CCDC148: variants seen among roughly 807,000 people sequenced by gnomAD.
The protein encoded by CCDC148 is coiled-coil domain-containing protein 148.
Under a neutral mutation model 85.7 loss-of-function variants are expected in CCDC148, and 89 were observed. That is an observed-to-expected ratio of 1.04 (90% CI 0.87 to 1.24). CCDC148 has a LOEUF of 1.24. Among genes scored for constraint, CCDC148 ranks in the 50% most tolerant of loss-of-function variants. The pLI is 0.00. For missense variants in CCDC148, 692 were observed against 671.7 expected, an observed-to-expected ratio of 1.03 and a Z score of -0.33; for synonymous variants, 230 against 213.9, an observed-to-expected ratio of 1.08 and a Z score of -0.66.
At chr2:158,341,541 C>T (rs1682696389) in intron 3 of CCDC148, among the ~76,000 whole-genome samples, 1 of 152,066 alleles carries the variant, frequency 6.6e-6, no homozygotes, top group African/African-American at 2.4e-5. Flanking sequence ...TCTTGAACTC[C>T]TGACCTCAGG....
At chr2:158,280,628 A>C (rs1362490411) in intron 9 of CCDC148, among the ~76,000 whole-genome samples, 1 of 152,242 alleles carries the variant, frequency 6.6e-6, no homozygotes, top group Non-Finnish European at 1.5e-5. Context: ...TTCATAAAGC[A>C]AGTCCTGAGT....
At chr2:158,418,316 T>C (rs534170832) in intron 1 of CCDC148, among the ~76,000 whole-genome samples, 65 of 152,292 alleles carry the variant, frequency 4.3e-4, no homozygotes, top group Middle Eastern at 6.8e-3. Flanking sequence ...GTTTTCTCTG[T>C]AGCATAATTA....
intron 1 of CCDC148, among the ~76,000 whole-genome samples, chr2:158,405,532 C>G (rs1312042162): frequency 6.6e-6 from 1 of 151,014 alleles, no homozygotes. Context: ...ATCTTATTAC[C>G]CAGATTTTCG....
intron 11 of CCDC148, among the ~76,000 whole-genome samples, chr2:158,215,821 G>A (rs1313254666): frequency 6.6e-6 from 1 of 152,052 alleles, no homozygotes; most frequent in Non-Finnish European, 1.5e-5. Context: ...GATGGTATTT[G>A]GATATGTAGC....
intron 1 of CCDC148, among the ~76,000 whole-genome samples, chr2:158,370,569 T>G (rs567944400): frequency 1.8e-4 from 27 of 152,156 alleles, no homozygotes; most frequent in Admixed American, 1.6e-3. Context: ...GAAGCAATAT[T>G]TTTCTAACAT....
At chr2:158,174,051 C>A (rs1473870258) in intron 13 of CCDC148, among the ~76,000 whole-genome samples, 4 of 152,004 alleles carry the variant, frequency 2.6e-5, no homozygotes, top group African/African-American at 9.7e-5. Context: ...CAAATTCTCT[C>A]TTTCCCTAAA....
At chr2:158,281,416 T>C (rs564723631) in intron 9 of CCDC148, among the ~76,000 whole-genome samples, 5 of 152,098 alleles carry the variant, frequency 3.3e-5, no homozygotes, top group South Asian at 4.2e-4. Flanking sequence ...AAGAATCAAA[T>C]AGACGCAATA....
At chr2:158,365,342 A>C (rs1045727267) in intron 1 of CCDC148, among the ~76,000 whole-genome samples, 3 of 152,220 alleles carry the variant, frequency 2.0e-5, no homozygotes, top group Admixed American at 1.3e-4. Flanking sequence ...TTCTACTATA[A>C]AGACACATGC....
chr2:158,285,874 G>A (rs1690601415), intron 9 of CCDC148, among the ~76,000 whole-genome samples: 2 of 151,954 alleles, frequency 1.3e-5, no homozygotes, highest in Admixed American at 1.3e-4. Context: ...TTCTCTTTCA[G>A]GTCAGGAACA....
At chr2:158,331,059 T>C (rs1693082654) in intron 7 of CCDC148, among the ~76,000 whole-genome samples, 1 of 152,216 alleles carries the variant, frequency 6.6e-6, no homozygotes. Context: ...AGCTTTTGAA[T>C]GTGTTTGCTC....
At chr2:158,244,387 G>C (rs1286004380) in intron 10 of CCDC148, among the ~76,000 whole-genome samples, 1 of 152,112 alleles carries the variant, frequency 6.6e-6, no homozygotes, top group Admixed American at 6.6e-5. Context: ...TCTGCTTATG[G>C]TATCACCAGG....
chr2:158,378,288 A>G (rs1684736773), intron 1 of CCDC148, among the ~76,000 whole-genome samples: 1 of 152,154 alleles, frequency 6.6e-6, no homozygotes, highest in Admixed American at 6.6e-5. Flanking sequence ...CCTAATTCAG[A>G]GCAAGGCCCT....
intron 8 of CCDC148, among the ~76,000 whole-genome samples, chr2:158,311,443 G>A (rs1337281211): frequency 6.6e-6 from 1 of 152,222 alleles, no homozygotes; most frequent in Non-Finnish European, 1.5e-5. Context: ...CTCGGCAACA[G>A]AGGGAGACTG....
intron 13 of CCDC148, among the ~76,000 whole-genome samples, chr2:158,176,068 C>T (rs2105258040): frequency 6.6e-6 from 1 of 152,120 alleles, no homozygotes; most frequent in African/African-American, 2.4e-5. Context: ...TTATCATTAG[C>T]TCTGATGTAT....
chr2:158,416,121 A>G (rs1411791700), intron 1 of CCDC148, among the ~76,000 whole-genome samples: 1 of 152,186 alleles, frequency 6.6e-6, no homozygotes, highest in Non-Finnish European at 1.5e-5. Flanking sequence ...GTGGCCTGAG[A>G]CATATCTGGG....
chr2:158,304,254 A>T (rs1426225064), intron 9 of CCDC148, among the ~76,000 whole-genome samples: 1 of 152,088 alleles, frequency 6.6e-6, no homozygotes, highest in African/African-American at 2.4e-5. Context: ...AAAGAAGAGG[A>T]GGGCTAAAGA....
intron 9 of CCDC148, among the ~76,000 whole-genome samples, chr2:158,281,240 A>T (rs1250993254): frequency 6.6e-6 from 1 of 152,124 alleles, no homozygotes; most frequent in East Asian, 1.9e-4. Flanking sequence ...GAGCAAACAC[A>T]TTCAAAAGCT....
intron 1 of CCDC148, among the ~76,000 whole-genome samples, chr2:158,429,147 C>CA (rs1687214359): frequency 8.4e-6 from 1 of 118,768 alleles, no homozygotes; most frequent in Non-Finnish European, 1.8e-5. Context: ...GGGGTGGGGG[C>CA]AGGGGGGAGG....
At chr2:158,270,498 A>G (rs939595476) in intron 9 of CCDC148, among the ~76,000 whole-genome samples, 4 of 152,178 alleles carry the variant, frequency 2.6e-5, no homozygotes, top group Non-Finnish European at 5.9e-5. Flanking sequence ...GCTATACTCA[A>G]GTGACTCAGA....
Sources: gnomAD v4.1 joint callset for allele counts (sites outside exome capture counted in the v4.1 genomes callset) on GRCh38, gnomAD v4.1.1 for gene constraint, MANE v1.5 for transcripts, NCBI Gene and HGNC (gene_info 2026-07-23, HGNC 2026-07-21) for gene names.